RBMS2: variants seen among roughly 807,000 people sequenced by gnomAD.
RBMS2 encodes RNA binding motif single stranded interacting protein 2, also known as RNA-binding motif, single-stranded-interacting protein 2.
A neutral mutation model predicts 58.4 loss-of-function variants in RBMS2; 38 were observed. That is an observed-to-expected ratio of 0.65 (90% CI 0.50 to 0.85). RBMS2 has a LOEUF of 0.85. Ranked by LOEUF, RBMS2 falls within the 40% of genes least tolerant of loss-of-function variation. The pLI is 0.00. For missense variants in RBMS2, 367 were observed against 503.7 expected (o/e 0.73, Z 2.60); for synonymous variants, 151 against 180.7 (o/e 0.84, Z 1.32).
rs1298694726 is a variant in RBMS2 at position 56,591,300 on chromosome 12, C to G, written c.*2167C>G. On this transcript the variant is annotated 3_prime_UTR_variant, in exon 14 of 14. Coordinates refer to ENST00000262031, the MANE Select transcript of RBMS2 (RefSeq NM_002898.4). ...CAGTTGTCACAAGTAGAGCTCGGCCCAGCTTTCCCTCCCTTCCCAGCCACC... is the reference window on the plus strand; with the variant it reads ...CAGTTGTCACAAGTAGAGCTCGGCCGAGCTTTCCCTCCCTTCCCAGCCACC... 6.6e-6 allele frequency: 1 copy of G among 152,154 alleles called. No homozygotes were observed. Among genetic ancestry groups the G allele is most frequent in the African/African-American group, 2.4e-5 (1 of 41,392 alleles). The allele number at this position is 152,154 out of a possible 1,614,324, so 9.4% of individuals were successfully genotyped here.
chr12:56,558,930 T>C (rs1444071015), intron 1 of RBMS2, among the ~76,000 whole-genome samples: 1 of 152,044 alleles, frequency 6.6e-6, no homozygotes, highest in Non-Finnish European at 1.5e-5. Context: ...AGGGTCTCAC[T>C]ATGTTGCTCA....
intron 1 of RBMS2, among the ~76,000 whole-genome samples, chr12:56,540,179 G>T (rs2136296418): frequency 6.6e-6 from 1 of 152,132 alleles, no homozygotes; most frequent in Admixed American, 6.6e-5. Context: ...TTTTATTAGG[G>T]CCAGAGCCAT....
intron 9 of RBMS2, among the ~76,000 whole-genome samples, chr12:56,586,480 T>C (rs1225427470): frequency 2.6e-5 from 4 of 152,098 alleles, no homozygotes; most frequent in Non-Finnish European, 5.9e-5. Context: ...CCCATTGTGG[T>C]TTTGATTTGC....
chr12:56,591,102 C>G lies in RBMS2; in HGVS notation c.*1969C>G, dbSNP rs1885272754. On this transcript the variant is annotated 3_prime_UTR_variant, in exon 14 of 14. Transcript: ENST00000262031. ...AATCCTGCTCTTGTCTTCTCCCAGT[C>G]ACTCCCTTATGCACTGAAAGGAGAA... 6.6e-6 allele frequency: 1 copy of G among 152,238 alleles called. No individual in the cohort carries two copies. The highest frequency in any genetic ancestry group is 1.5e-5 in the Non-Finnish European group (1 of 68,074). 9.4% of individuals were successfully genotyped at this position (152,238 alleles called of 1,614,324 possible).
chr12:56,575,413 G>A (rs1592475512), intron 5 of RBMS2, among the ~76,000 whole-genome samples: 4 of 151,924 alleles, frequency 2.6e-5, no homozygotes, highest in Admixed American at 6.6e-5. Flanking sequence ...CTCTGGCCTG[G>A]GCTACAGAGT....
chr12:56,553,829 T>G (rs1335826504), intron 1 of RBMS2, among the ~76,000 whole-genome samples: 3 of 30,844 alleles, frequency 9.7e-5, no homozygotes, highest in Non-Finnish European at 3.4e-4. Context: ...TTTCTTTGTT[T>G]TTTTTTTTTT....
At position 56,569,160 on chromosome 12, in the gene RBMS2, T is replaced by C. The variant is rs546509140; in HGVS notation, c.292+127T>C. The C allele has an allele frequency of 1.6e-4, 129 of 824,830 alleles. No homozygotes were observed. In the African/African-American group the frequency reaches 2.1e-3, roughly 13 times the overall value. The allele number at this position is 824,830 out of a possible 1,614,324, so 51.1% of individuals were successfully genotyped here. A position where few individuals can be genotyped will look rare whatever the true frequency, so the allele number is the denominator to read the frequency against. Reference sequence around the variant, plus strand: ...GAGAAGTCCCTGAAGTTTTTAGGCTTAAAAGATTAGGAGATATTTAGATTC... The same window carrying C: ...GAGAAGTCCCTGAAGTTTTTAGGCTCAAAAGATTAGGAGATATTTAGATTC... On this transcript the variant is annotated intron_variant, in intron 3 of 13. Coordinates refer to ENST00000262031, the MANE Select transcript of RBMS2 (RefSeq NM_002898.4).
At chr12:56,578,731 G>A (rs539953047) in intron 5 of RBMS2, among the ~76,000 whole-genome samples, 3 of 152,070 alleles carry the variant, frequency 2.0e-5, no homozygotes, top group African/African-American at 7.2e-5. Flanking sequence ...TTGGGAGGCC[G>A]AAGCAGGCAG....
At chr12:56,586,771 C>A in intron 9 of RBMS2, 78 bp from the exon 10 acceptor site, 2 of 1,270,058 alleles carry the variant, frequency 1.6e-6, no homozygotes, top group Non-Finnish European at 2.3e-6. Flanking sequence ...CTTTTCTGAG[C>A]TTTGTTGAAC....
At chr12:56,588,563 G>A (rs1885000774) in intron 12 of RBMS2, 189 bp downstream of exon 12, 2 of 609,314 alleles carry the variant, frequency 3.3e-6, no homozygotes, top group Non-Finnish European at 5.8e-6. Flanking sequence ...ACAATACAGA[G>A]AAGATTATGG....
rs180958965 is a variant in RBMS2, at chr12:56,569,761, C to G, written c.293-138C>G. ...GTTTGAGGAGCATGTGGATAACTACCTGAAACCTCTCAATAGCTCTTTCTC... is the reference window on the plus strand; with the variant it reads ...GTTTGAGGAGCATGTGGATAACTACGTGAAACCTCTCAATAGCTCTTTCTC... On this transcript the variant is annotated intron_variant, in intron 3 of 13. Coordinates refer to ENST00000262031, the MANE Select transcript of RBMS2 (RefSeq NM_002898.4). 3.2e-4 allele frequency: 241 copies of G among 761,854 alleles called. 1 individual carries two copies. In the East Asian group the frequency reaches 4.5e-3, roughly 14 times the overall value. 47.2% of individuals were successfully genotyped at this position (761,854 alleles called of 1,614,324 possible).
intron 1 of RBMS2, among the ~76,000 whole-genome samples, chr12:56,549,840 C>T (rs1479585962): frequency 6.6e-6 from 1 of 151,924 alleles, no homozygotes; most frequent in African/African-American, 2.4e-5. Context: ...CCATCCTGAC[C>T]AACATGGAGA....
At chr12:56,542,552 C>CTTTTTTTTTTTTTTTTTTTTTT (rs1239883545) in intron 1 of RBMS2, among the ~76,000 whole-genome samples, 27 of 101,014 alleles carry the variant, frequency 2.7e-4, no homozygotes, top group African/African-American at 3.0e-4. Context: ...TCTTGTTTTT[C>CTTTTTTTTTTTTTTTTTTTTTT]TTTTTTTTTT....
intron 1 of RBMS2, among the ~76,000 whole-genome samples, chr12:56,543,202 G>C (rs990725057): frequency 6.6e-6 from 1 of 151,832 alleles, no homozygotes; most frequent in Non-Finnish European, 1.5e-5. Context: ...GTCCATGAAG[G>C]CCGGGCGCAG....
At chr12:56,579,270 A>G (rs527617688) in intron 5 of RBMS2, among the ~76,000 whole-genome samples, 1 of 152,324 alleles carries the variant, frequency 6.6e-6, no homozygotes, top group East Asian at 1.9e-4. Flanking sequence ...ACCCAACAGA[A>G]GACCACAGCT....
chr12:56,545,029 T>C (rs893638530), intron 1 of RBMS2, among the ~76,000 whole-genome samples: 3 of 152,156 alleles, frequency 2.0e-5, no homozygotes, highest in Non-Finnish European at 2.9e-5. Flanking sequence ...CAGTTTACAC[T>C]GTACCCAATA....
At chr12:56,530,236 T>C (rs920172905) in intron 1 of RBMS2, among the ~76,000 whole-genome samples, 1 of 151,516 alleles carries the variant, frequency 6.6e-6, no homozygotes, top group South Asian at 2.1e-4. Flanking sequence ...GGGTGACGTG[T>C]ATGGTATGTG....
rs906943967 is a variant in RBMS2, at chr12:56,526,471, G to A, written c.66+4382G>A. Among the ~76,000 whole-genome samples the A allele has an allele frequency of 3.4e-4, 51 of 151,976 alleles. 1 individual carries two copies. Among genetic ancestry groups the A allele is most frequent in the Non-Finnish European group, 1.5e-4 (10 of 67,962 alleles). On this transcript the variant is annotated intron_variant, in intron 1 of 13. Coordinates refer to ENST00000262031, the MANE Select transcript of RBMS2 (RefSeq NM_002898.4). ...GGCTGGTGGTAAATATGGGAATGCC[G>A]TCAACAAATGTATAATGCCTAATAA...
chr12:56,566,960 AG>A (rs1565762433), intron 2 of RBMS2, among the ~76,000 whole-genome samples: 1 of 152,254 alleles, frequency 6.6e-6, no homozygotes, highest in African/African-American at 2.4e-5. Context: ...TAGGAAATGA[AG>A]AAAGAATGTT....
Sources: allele counts gnomAD v4.1 joint callset (sites outside exome capture counted in the v4.1 genomes callset), GRCh38; gene constraint gnomAD v4.1.1; transcripts MANE v1.5; gene names NCBI Gene and HGNC (gene_info 2026-07-23, HGNC 2026-07-21).